The following LGSN variants were observed in gnomAD, a reference collection of about 807,000 sequenced individuals.
The protein encoded by LGSN is lengsin, lens protein with glutamine synthetase domain, also known as lengsin.
In LGSN, 21 loss-of-function variants were observed where a neutral mutation model predicts 19.5. That is an observed-to-expected ratio of 1.07 (90% CI 0.76 to 1.55). LGSN has a LOEUF of 1.55. Among genes scored for constraint, LGSN ranks in the 40% most tolerant of loss-of-function variants. The probability of loss-of-function intolerance (pLI) is 0.00; values close to 1 mark genes in which losing one functional copy is unlikely to be tolerated. For synonymous variants in LGSN, 257 were observed against 215.6 expected, an observed-to-expected ratio of 1.19 and a Z score of -1.68; for missense variants, 673 against 608.5, an observed-to-expected ratio of 1.11 and a Z score of -1.12.
chr6:63,437,261 A>AT, the LGSN span, among the ~76,000 whole-genome samples: 584 of 148,008 alleles, frequency 3.9e-3, 4 homozygotes, highest in African/African-American at 0.012. Context: ...CCAAAATACC[A>AT]TTTTTTTTTT....
At chr6:63,370,883 CCTG>C in the LGSN span, among the ~76,000 whole-genome samples, 1 of 152,174 alleles carries the variant, frequency 6.6e-6, no homozygotes, top group Non-Finnish European at 1.5e-5. Context: ...AAGCATTTTT[CCTG>C]CTTTTTGAAC....
chr6:63,552,407 T>G, the LGSN span, among the ~76,000 whole-genome samples: 1 of 152,238 alleles, frequency 6.6e-6, no homozygotes, highest in Admixed American at 6.5e-5. Flanking sequence ...TAAATTTGTT[T>G]GAGTTCTTTG....
the LGSN span, among the ~76,000 whole-genome samples, chr6:63,569,254 G>A: frequency 4.6e-5 from 7 of 151,894 alleles, no homozygotes; most frequent in South Asian, 2.1e-4. Flanking sequence ...TAAAAATATC[G>A]CTTATAATAT....
chr6:63,418,359 G>A, the LGSN span, among the ~76,000 whole-genome samples: 4 of 152,142 alleles, frequency 2.6e-5, no homozygotes, highest in South Asian at 2.1e-4. Context: ...TCAAGAGATC[G>A]AGACCATCCT....
At chr6:63,540,162 G>GGTGTGCA in the LGSN span, among the ~76,000 whole-genome samples, 4 of 152,142 alleles carry the variant, frequency 2.6e-5, no homozygotes, top group East Asian at 7.7e-4. Context: ...GATGGAATCT[G>GGTGTGCA]GTGTGCATGG....
chr6:63,359,388 G>C, the LGSN span, among the ~76,000 whole-genome samples: 1 of 152,174 alleles, frequency 6.6e-6, no homozygotes, highest in African/African-American at 2.4e-5. Context: ...CTATTGATTG[G>C]AAAAGTTTCA....
At chr6:63,285,903 T>C in intron 2 of LGSN, 150 bp from the exon 3 acceptor site, 1 of 644,556 alleles carries the variant, frequency 1.6e-6, no homozygotes. Flanking sequence ...ATCTTACCTT[T>C]CTTATTCTGC....
the LGSN span, among the ~76,000 whole-genome samples, chr6:63,399,488 G>A: frequency 2.0e-5 from 3 of 150,280 alleles, no homozygotes; most frequent in African/African-American, 7.4e-5. Context: ...TCCGCCTCCC[G>A]GGTTCAAGCG....
chr6:63,378,992 C>T, the LGSN span, among the ~76,000 whole-genome samples: 4 of 152,136 alleles, frequency 2.6e-5, no homozygotes, highest in Admixed American at 6.5e-5. Context: ...TTTTGCAGCT[C>T]GGCAGGGTTT....
chr6:63,539,682 T>A, the LGSN span, among the ~76,000 whole-genome samples: 2 of 152,070 alleles, frequency 1.3e-5, no homozygotes. Flanking sequence ...GGCAGGGGAA[T>A]TGCTTGAACC....
At chr6:63,480,964 TATATATATATATATATATATATAC>T in the LGSN span, among the ~76,000 whole-genome samples, 8 of 37,804 alleles carry the variant, frequency 2.1e-4, no homozygotes, top group African/African-American at 4.4e-4. Flanking sequence ...TATATATATA[TATATATATATATATATATATATAC>T]ACACACACAT....
chr6:63,336,168 G>A, the LGSN span, among the ~76,000 whole-genome samples: 1 of 152,182 alleles, frequency 6.6e-6, no homozygotes, highest in African/African-American at 2.4e-5. Context: ...AGTAAGGTGA[G>A]ACTATACAAC....
chr6:63,500,628 TCA>T, the LGSN span, among the ~76,000 whole-genome samples: 1 of 151,232 alleles, frequency 6.6e-6, no homozygotes, highest in African/African-American at 2.4e-5. Flanking sequence ...TCCATGTTGG[TCA>T]GGCTGGTTTC....
chr6:63,505,252 A>T, the LGSN span, among the ~76,000 whole-genome samples: 3 of 151,320 alleles, frequency 2.0e-5, no homozygotes, highest in South Asian at 4.2e-4. Context: ...CCAAGGAATT[A>T]TATGCTTTTC....
At position 63,280,933 on chromosome 6, in the gene LGSN, G is replaced by C; in HGVS notation, c.618C>G (p.Phe206Leu). 1 of 1,614,070 alleles carries C rather than the reference G, an allele frequency of 6.2e-7. No homozygotes were observed. Among genetic ancestry groups the C allele is most frequent in the Non-Finnish European group, 8.5e-7 (1 of 1,180,016 alleles). The change falls in exon 4 of 4, where the codon TTC (phenylalanine) becomes TTG (leucine). Residue 206 changes from phenylalanine to leucine, a missense_variant. Transcript: ENST00000370657. ...CACCAAAAATGCAAAAATCATAGAT[G>C]AAAGCAGAAAGCAGGGAAAAGCCAG... ...QASGFSLLSAFIYDFCIFGVP... is the reference protein window; with the variant it reads ...QASGFSLLSALIYDFCIFGVP...
the LGSN span, among the ~76,000 whole-genome samples, chr6:63,539,278 G>A: frequency 6.6e-6 from 1 of 152,148 alleles, no homozygotes; most frequent in Admixed American, 6.5e-5. Context: ...TTAACAAAGA[G>A]ATAAAGAGTA....
the LGSN span, among the ~76,000 whole-genome samples, chr6:63,502,724 C>G: frequency 1.0e-3 from 157 of 152,258 alleles, no homozygotes; most frequent in Non-Finnish European, 1.7e-3. Context: ...AAATTTGGAT[C>G]CTATTAAATC....
intron 1 of LGSN, among the ~76,000 whole-genome samples, chr6:63,310,509 T>G (rs1037914555): frequency 2.0e-5 from 3 of 152,028 alleles, no homozygotes; most frequent in African/African-American, 7.2e-5. Context: ...ATATATACAA[T>G]ATGAAGGTAT....
At chr6:63,549,452 T>A in the LGSN span, 1 of 795,340 alleles carries the variant, frequency 1.3e-6, no homozygotes, top group South Asian at 1.4e-5. Context: ...TCCTGCTTCT[T>A]CACGACAGCA....
Sources: gnomAD v4.1 joint callset for allele counts (sites outside exome capture counted in the v4.1 genomes callset) on GRCh38, gnomAD v4.1.1 for gene constraint, MANE v1.5 for transcripts, NCBI Gene and HGNC (gene_info 2026-07-23, HGNC 2026-07-21) for gene names.